The following RBFOX1 variants were observed in gnomAD, a reference collection of about 807,000 sequenced individuals.
RBFOX1 encodes the protein RNA binding fox-1 homolog 1.
A neutral mutation model predicts 57.7 loss-of-function variants in RBFOX1; 8 were observed. The ratio of observed to expected loss-of-function variants is 0.14; its 90% CI spans 0.08 to 0.25. The LOEUF (loss-of-function observed/expected upper bound fraction) is 0.25. Among genes scored for constraint, RBFOX1 ranks in the 10% least tolerant of loss-of-function variants. RBFOX1 has a pLI of 1.00. For missense variants in RBFOX1, 611 were observed against 548.5 expected, an observed-to-expected ratio of 1.11 and a Z score of -1.14; for synonymous variants, 326 against 222.4, an observed-to-expected ratio of 1.47 and a Z score of -4.15.
At chr16:6,472,161 A>C (rs771134836) in intron 2 of RBFOX1, among the ~76,000 whole-genome samples, 3 of 152,094 alleles carry the variant, frequency 2.0e-5, no homozygotes, top group Admixed American at 6.5e-5. Flanking sequence ...TCAATTCCAC[A>C]TTTCTTGGAG....
In RBFOX1 at chr16:6,685,273, C is replaced by CTTTT. The variant is rs202226687; in HGVS notation, c.-16+30640_-16+30643dup. On this transcript the variant is annotated intron_variant, in intron 3 of 15. Coordinates refer to ENST00000550418, the MANE Select transcript of RBFOX1 (RefSeq NM_018723.4). ...GTGTACTAAGAGAGGGAGAGTTTTTCTTTTTTTTTTTTTTTTTTTTGAGAT... is the reference window on the plus strand; with the variant it reads ...GTGTACTAAGAGAGGGAGAGTTTTTCTTTTTTTTTTTTTTTTTTTTTTTTGAGAT... 3.2e-3 allele frequency among the ~76,000 whole-genome samples: 354 copies of CTTTT among 111,582 alleles called. 15 individuals are homozygous for CTTTT. The highest frequency in any genetic ancestry group is 0.011 in the African/African-American group (310 of 27,636). The allele number at this position is 111,582 out of a possible 152,430, so 73.2% of individuals were successfully genotyped here.
chr16:7,024,201 A>C (rs754859081), intron 3 of RBFOX1, among the ~76,000 whole-genome samples: 1 of 152,150 alleles, frequency 6.6e-6, no homozygotes. Flanking sequence ...AGCATTTACA[A>C]ATTGCACCTT....
chr16:5,863,581 T>G (rs75829291), intron 3 of RBFOX1, among the ~76,000 whole-genome samples: 4,271 of 152,294 alleles, frequency 0.028, 117 homozygotes, highest in East Asian at 0.12. Flanking sequence ...ACTACCTGCC[T>G]TAGAAGGGAG....
At chr16:6,240,347 T>G (rs1028890639) in intron 1 of RBFOX1, among the ~76,000 whole-genome samples, 2 of 152,186 alleles carry the variant, frequency 1.3e-5, no homozygotes, top group Non-Finnish European at 2.9e-5. Flanking sequence ...GAGGTAGTTC[T>G]TCAGCTTATC....
chr16:6,224,693 G>C (rs936397583), intron 1 of RBFOX1, among the ~76,000 whole-genome samples: 16 of 152,144 alleles, frequency 1.1e-4, no homozygotes, highest in African/African-American at 3.9e-4. Flanking sequence ...GAAGATGACA[G>C]AAGCAACAAT....
At chr16:7,442,398 C>G (rs976891958) in intron 4 of RBFOX1, among the ~76,000 whole-genome samples, 1 of 152,086 alleles carries the variant, frequency 6.6e-6, no homozygotes, top group Non-Finnish European at 1.5e-5. Flanking sequence ...CAGCATTTGT[C>G]GAACTCTGGG....
At chr16:5,612,310 C>T (rs1357135868) in intron 3 of RBFOX1, among the ~76,000 whole-genome samples, 3 of 152,056 alleles carry the variant, frequency 2.0e-5, no homozygotes, top group African/African-American at 7.2e-5. Flanking sequence ...CCCACTTTCC[C>T]ATCTACTCAT....
At chr16:5,240,343 G>A (rs1215020144) in intron 1 of RBFOX1, among the ~76,000 whole-genome samples, 2 of 152,138 alleles carry the variant, frequency 1.3e-5, no homozygotes, top group East Asian at 3.9e-4. Context: ...CAGGAGCCCC[G>A]TTGGACTCTG....
intron 2 of RBFOX1, among the ~76,000 whole-genome samples, chr16:6,639,199 C>A (rs866707721): frequency 6.6e-6 from 1 of 152,206 alleles, no homozygotes; most frequent in Non-Finnish European, 1.5e-5. Flanking sequence ...AGCTGTGCTG[C>A]GCCTTCTTTA....
intron 3 of RBFOX1, among the ~76,000 whole-genome samples, chr16:5,818,663 C>A (rs1161468484): frequency 6.6e-6 from 1 of 152,140 alleles, no homozygotes; most frequent in Non-Finnish European, 1.5e-5. Flanking sequence ...AAAAAGTTGT[C>A]AGCATGGGAG....
chr16:7,235,291 T>C (rs1213769515), intron 4 of RBFOX1, among the ~76,000 whole-genome samples: 1 of 152,192 alleles, frequency 6.6e-6, no homozygotes, highest in Admixed American at 6.5e-5. Context: ...CACTTGTTCA[T>C]TATTGACTAA....
At chr16:6,251,122 A>G (rs1180848971) in intron 1 of RBFOX1, among the ~76,000 whole-genome samples, 1 of 152,166 alleles carries the variant, frequency 6.6e-6, no homozygotes, top group Middle Eastern at 3.2e-3. Context: ...CTTAATCTTA[A>G]TGACCACATT....
chr16:5,926,021 G>A (rs985963602), intron 4 of RBFOX1, among the ~76,000 whole-genome samples: 8 of 152,266 alleles, frequency 5.3e-5, no homozygotes, highest in African/African-American at 1.2e-4. Flanking sequence ...ACTACCCCTC[G>A]AGGGTTCCCT....
At chr16:7,206,292 T>A (rs1313851265) in intron 4 of RBFOX1, among the ~76,000 whole-genome samples, 1 of 152,104 alleles carries the variant, frequency 6.6e-6, no homozygotes, top group East Asian at 1.9e-4. Context: ...TAATGGGAAG[T>A]AGGTGAAAGT....
intron 2 of RBFOX1, among the ~76,000 whole-genome samples, chr16:6,557,129 A>T (rs537024277): frequency 4.0e-4 from 59 of 145,818 alleles, no homozygotes; most frequent in African/African-American, 1.5e-3. Flanking sequence ...ATACATACAT[A>T]TACATATATA....
intron 3 of RBFOX1, among the ~76,000 whole-genome samples, chr16:6,658,856 C>A (rs1230017445): frequency 6.6e-6 from 1 of 151,930 alleles, no homozygotes; most frequent in African/African-American, 2.4e-5. Flanking sequence ...TAGGGAGATC[C>A]TAAGGGATGG....
At chr16:6,006,420 T>C (rs556117183) in intron 4 of RBFOX1, among the ~76,000 whole-genome samples, 1 of 151,604 alleles carries the variant, frequency 6.6e-6, no homozygotes, top group South Asian at 2.1e-4. Context: ...CTGGAGTTAG[T>C]AGTCAGTAGA....
intron 1 of RBFOX1, among the ~76,000 whole-genome samples, chr16:5,343,170 C>A (rs2065067791): frequency 6.6e-6 from 1 of 152,122 alleles, no homozygotes; most frequent in African/African-American, 2.4e-5. Context: ...TCATTGGCTA[C>A]TCAAGATGGG....
At chr16:6,998,328 A>G (rs1365028853) in intron 3 of RBFOX1, among the ~76,000 whole-genome samples, 2 of 152,192 alleles carry the variant, frequency 1.3e-5, no homozygotes, top group African/African-American at 4.8e-5. Context: ...AGTGTCTTCC[A>G]TTGTGTTCAA....
Sources: allele counts gnomAD v4.1 joint callset (sites outside exome capture counted in the v4.1 genomes callset), GRCh38; gene constraint gnomAD v4.1.1; transcripts MANE v1.5; gene names NCBI Gene and HGNC (gene_info 2026-07-23, HGNC 2026-07-21).